Variants in IARS1 observed in about 807,000 individuals in gnomAD.
The protein encoded by IARS1 is isoleucine--tRNA ligase, cytoplasmic.
Under a neutral mutation model 168.2 loss-of-function variants are expected in IARS1, and 124 were observed. That is an observed-to-expected ratio of 0.74 (90% CI 0.64 to 0.86). The LOEUF (loss-of-function observed/expected upper bound fraction) is 0.86, where lower values mean the gene tolerates loss of function less well. Ranked by LOEUF, IARS1 falls within the 40% of genes least tolerant of loss-of-function variation. IARS1 has a pLI of 0.00. For synonymous variants in IARS1, 532 were observed against 529.4 expected (o/e 1.00, Z -0.07); for missense variants, 1,452 against 1,515.8 (o/e 0.96, Z 0.70).
chr9:92,243,630 T>C (rs1828769274), intron 27 of IARS1, among the ~76,000 whole-genome samples: 1 of 152,096 alleles, frequency 6.6e-6, no homozygotes, highest in East Asian at 1.9e-4. Context: ...TAAGAAGTAA[T>C]ATCAACTCTT....
intron 32 of IARS1, 138 bp from the exon 33 acceptor site, chr9:92,222,810 G>C (rs1273739901): frequency 1.5e-6 from 1 of 671,292 alleles, no homozygotes; most frequent in Non-Finnish European, 2.4e-6. Context: ...GACCGCTGAA[G>C]ATGCAGTCCA....
intron 31 of IARS1, among the ~76,000 whole-genome samples, chr9:92,225,908 C>T (rs531501703): frequency 2.3e-4 from 35 of 152,340 alleles, no homozygotes; most frequent in Middle Eastern, 6.8e-3. Flanking sequence ...GAGCAGCCCA[C>T]GCTCCTGCCT....
Position 92,210,873 on chromosome 9 carries a change from G to A in IARS1, c.3723C>T (p.Ile1241=). 6.2e-7 allele frequency: 1 copy of A among 1,605,592 alleles called. No individual in the cohort carries two copies. The highest frequency in any genetic ancestry group is 8.5e-7 in the Non-Finnish European group (1 of 1,172,264). Residue 1241 remains isoleucine, a synonymous_variant, in exon 34 of 34, where the codon ATC becomes ATT. Coordinates refer to ENST00000443024, the MANE Select transcript of IARS1 (RefSeq NM_002161.6). Reference sequence around the variant, plus strand: ...TCTTCATATTCAAAGTCTTCACGGGGATGTCTTCTGTAATTTCTAGAATGG... The same window carrying A: ...TCTTCATATTCAAAGTCTTCACGGGAATGTCTTCTGTAATTTCTAGAATGG... ...ETQTQEITED[I]PVKTLNMKTV...
intron 1 of IARS1, among the ~76,000 whole-genome samples, chr9:92,292,122 T>C (rs1012838747): frequency 1.1e-4 from 17 of 150,770 alleles, no homozygotes; most frequent in African/African-American, 4.2e-4. Context: ...GGTTCAGGTG[T>C]TCCTCCCAGT....
intron 19 of IARS1, among the ~76,000 whole-genome samples, 179 bp downstream of exon 19, chr9:92,258,675 G>A (rs1232566032): frequency 2.0e-5 from 3 of 152,134 alleles, no homozygotes; most frequent in Admixed American, 6.5e-5. Flanking sequence ...GGCATAGCCC[G>A]GACCCTAGAT....
intron 16 of IARS1, among the ~76,000 whole-genome samples, 185 bp from the exon 17 acceptor site, chr9:92,263,240 G>A (rs1831788560): frequency 6.6e-6 from 1 of 152,210 alleles, no homozygotes; most frequent in Non-Finnish European, 1.5e-5. Context: ...TTTGAAAGAA[G>A]CATTGAAATA....
intron 33 of IARS1, among the ~76,000 whole-genome samples, chr9:92,221,348 A>T (rs1587702089): frequency 1.3e-5 from 2 of 152,348 alleles, no homozygotes; most frequent in East Asian, 3.9e-4. Context: ...GCCGAAAGAC[A>T]CAAATACTGA....
At chr9:92,211,933 C>T (rs1837829654) in intron 33 of IARS1, among the ~76,000 whole-genome samples, 1 of 151,988 alleles carries the variant, frequency 6.6e-6, no homozygotes, top group African/African-American at 2.4e-5. Flanking sequence ...AAAAATATAA[C>T]CCAAATGCAA....
intron 21 of IARS1, chr9:92,252,400 A>C (rs1324814006): frequency 5.8e-6 from 3 of 516,158 alleles, no homozygotes; most frequent in Non-Finnish European, 1.2e-5. Context: ...CCTTCTAGAT[A>C]CGTGTGTGTG....
chr9:92,236,045 C>T (rs1281275724), intron 30 of IARS1, among the ~76,000 whole-genome samples: 1 of 151,738 alleles, frequency 6.6e-6, no homozygotes, highest in Non-Finnish European at 1.5e-5. Context: ...TGCAATGGCA[C>T]GATCTCAGCT....
At chr9:92,277,052 AAAAC>A (rs147342512) in intron 9 of IARS1, among the ~76,000 whole-genome samples, 1,717 of 152,284 alleles carry the variant, frequency 0.011, 13 homozygotes, top group African/African-American at 0.029. Context: ...TAACTTTGTC[AAAAC>A]AAACAAACAA....
At position 92,260,139 on chromosome 9, in the gene IARS1, A is replaced by G. The variant is rs773979012; in HGVS notation, c.1871+12T>C. On this transcript the variant is annotated intron_variant, in intron 18 of 33. Coordinates refer to ENST00000443024, the MANE Select transcript of IARS1 (RefSeq NM_002161.6). ...ACAATAGATACACACAAGGCAAAGC[A>G]CTGGTTTGTACCTGAGGGCATCAGC... 1 of 1,558,646 alleles carries G rather than the reference A, an allele frequency of 6.4e-7. No individual in the cohort carries two copies. The highest frequency in any genetic ancestry group is 8.9e-7 in the Non-Finnish European group (1 of 1,129,282).
intron 5 of IARS1, 39 bp downstream of exon 5, chr9:92,286,497 T>C (rs1424933353): frequency 1.0e-5 from 11 of 1,087,044 alleles, no homozygotes; most frequent in Admixed American, 3.6e-5. Context: ...TACAACAGAA[T>C]AGAATATTTA....
intron 24 of IARS1, 69 bp downstream of exon 24, chr9:92,250,118 T>C: frequency 9.0e-7 from 1 of 1,106,194 alleles, no homozygotes; most frequent in Non-Finnish European, 1.4e-6. Flanking sequence ...CTCTCTATAT[T>C]AAAAAAGCAT....
intron 1 of IARS1, among the ~76,000 whole-genome samples, chr9:92,291,939 C>G (rs1836406851): frequency 6.6e-6 from 1 of 151,398 alleles, no homozygotes; most frequent in Non-Finnish European, 1.5e-5. Context: ...ACTGTTCTAA[C>G]AATTATTCAG....
At position 92,288,209 on chromosome 9, in the gene IARS1, T is replaced by TTC. The variant is rs1229519238; in HGVS notation, c.192_193insGA (p.Lys65GlufsTer4). ...TGAGCATATCTTGTAACTATATCTT[T>TTC]AATTGTACCCGCAAGTATATGTCCA... On this transcript the variant is annotated frameshift_variant, in exon 3 of 34. Transcript: ENST00000443024. LOFTEE classifies it high-confidence loss of function. 1.2e-6 allele frequency: 2 copies of TTC among 1,614,062 alleles called. No homozygotes were observed. The highest frequency in any genetic ancestry group is 3.3e-5 in the Admixed American group (2 of 60,030).
Position 92,274,432 on chromosome 9 carries a change from G to C in IARS1, c.984C>G (p.Phe328Leu). The change falls in exon 10 of 34, where the codon TTC becomes TTG. Residue 328 changes from phenylalanine to leucine, a missense_variant. Phe to Leu is a conservative substitution (Grantham distance 22, BLOSUM62 0). Transcript: ENST00000443024. ...GTGVVHQAPY[F>L]GAEDYRVCMD... ...CCAGACTTATGCTACTCACAGCACC[G>C]AAGTAAGGAGCTTGGTGGACAACCC... 2 of 1,612,828 alleles carry C rather than the reference G, an allele frequency of 1.2e-6. No individual in the cohort carries two copies. Among genetic ancestry groups the C allele is most frequent in the Admixed American group, 1.7e-5 (1 of 60,002 alleles).
intron 30 of IARS1, among the ~76,000 whole-genome samples, chr9:92,239,571 C>T (rs1828055374): frequency 6.6e-6 from 1 of 150,980 alleles, no homozygotes; most frequent in South Asian, 2.1e-4. Context: ...ACTGACACTA[C>T]AGAGGAGTTG....
chr9:92,222,987 A>C (rs1018766869), intron 32 of IARS1, among the ~76,000 whole-genome samples: 1 of 152,200 alleles, frequency 6.6e-6, no homozygotes, highest in African/African-American at 2.4e-5. Flanking sequence ...ATCCTAAAAT[A>C]TCAGGAAAAA....
Sources: allele counts gnomAD v4.1 joint callset (sites outside exome capture counted in the v4.1 genomes callset), GRCh38; gene constraint gnomAD v4.1.1; transcripts MANE v1.5; gene names NCBI Gene and HGNC (gene_info 2026-07-23, HGNC 2026-07-21).